SHISA9: variants seen among roughly 807,000 people sequenced by gnomAD.
The protein encoded by SHISA9 is protein shisa-9.
A neutral mutation model predicts 38.0 loss-of-function variants in SHISA9; 13 were observed. That is an observed-to-expected ratio of 0.34 (90% CI 0.22 to 0.54). The LOEUF (loss-of-function observed/expected upper bound fraction) is 0.54. Among genes scored for constraint, SHISA9 ranks in the 20% least tolerant of loss-of-function variants. SHISA9 has a pLI of 0.91. For missense variants in SHISA9, 538 were observed against 575.8 expected (o/e 0.93, Z 0.67); for synonymous variants, 275 against 242.0 (o/e 1.14, Z -1.27).
At chr16:13,507,071 A>G in the SHISA9 span, among the ~76,000 whole-genome samples, 5 of 150,396 alleles carry the variant, frequency 3.3e-5, no homozygotes, top group Admixed American at 2.0e-4. Flanking sequence ...ACCACCATGT[A>G]TATATATATA....
At chr16:13,015,028 A>G (rs2072724426) in intron 2 of SHISA9, among the ~76,000 whole-genome samples, 1 of 152,186 alleles carries the variant, frequency 6.6e-6, no homozygotes, top group South Asian at 2.1e-4. Flanking sequence ...CTCTCCTTTC[A>G]TCAGCATTGC....
the SHISA9 span, among the ~76,000 whole-genome samples, chr16:13,554,385 C>T: frequency 0.7 from 106,305 of 150,970 alleles, 37,763 homozygotes; most frequent in East Asian, 0.88. Context: ...TTATATGCTA[C>T]AAGTCTGGTA....
At chr16:13,004,943 G>GAAAAAAAAAAAAAAAAAAAAAA (rs59694628) in intron 2 of SHISA9, among the ~76,000 whole-genome samples, 3 of 103,756 alleles carry the variant, frequency 2.9e-5, no homozygotes, top group African/African-American at 7.3e-5. Context: ...TTAAGAAAAA[G>GAAAAAAAAAAAAAAAAAAAAAA]AAAAAAAAAA....
the SHISA9 span, among the ~76,000 whole-genome samples, chr16:13,538,444 C>T: frequency 3.9e-5 from 6 of 152,178 alleles, no homozygotes; most frequent in Non-Finnish European, 8.8e-5. Context: ...TCATAAATCA[C>T]ATCTTAGAGC....
chr16:12,954,035 T>C (rs746470313), intron 2 of SHISA9, among the ~76,000 whole-genome samples: 6 of 152,094 alleles, frequency 3.9e-5, no homozygotes, highest in Non-Finnish European at 8.8e-5. Context: ...GAGATTTGGG[T>C]GGAGACACAG....
intron 2 of SHISA9, among the ~76,000 whole-genome samples, chr16:13,046,454 C>T (rs569511965): frequency 3.3e-5 from 5 of 152,262 alleles, no homozygotes; most frequent in Admixed American, 2.0e-4. Context: ...CTTATTATGG[C>T]TTTGTAGCAT....
At chr16:13,482,220 G>C in the SHISA9 span, among the ~76,000 whole-genome samples, 1 of 152,232 alleles carries the variant, frequency 6.6e-6, no homozygotes. Context: ...TCTGTTGGCT[G>C]TTTCCCTGCC....
intron 2 of SHISA9, among the ~76,000 whole-genome samples, chr16:13,151,175 C>G (rs1316166998): frequency 6.6e-6 from 1 of 152,126 alleles, no homozygotes; most frequent in African/African-American, 2.4e-5. Context: ...GGTGCAATCT[C>G]ACCTCACTGC....
At chr16:13,085,416 G>A (rs552181001) in intron 2 of SHISA9, among the ~76,000 whole-genome samples, 108 of 152,198 alleles carry the variant, frequency 7.1e-4, no homozygotes, top group African/African-American at 2.2e-3. Context: ...GATAAAAGCC[G>A]ATGTCTCATC....
intron 2 of SHISA9, among the ~76,000 whole-genome samples, chr16:12,927,924 T>C (rs566458657): frequency 4.0e-4 from 61 of 152,302 alleles, no homozygotes; most frequent in Admixed American, 4.6e-4. Flanking sequence ...TCAAAGATGA[T>C]TAAAAGTTAA....
intron 2 of SHISA9, among the ~76,000 whole-genome samples, chr16:13,129,562 C>T (rs1460806494): frequency 1.3e-5 from 2 of 152,180 alleles, no homozygotes; most frequent in African/African-American, 4.8e-5. Context: ...TACATCTGGT[C>T]TAGCTGGTTT....
the SHISA9 span, among the ~76,000 whole-genome samples, chr16:13,353,561 G>A: frequency 1.3e-5 from 2 of 151,946 alleles, no homozygotes; most frequent in Admixed American, 1.3e-4. Context: ...TGATTAGACA[G>A]AAGATAGTAG....
chr16:13,285,589 T>G, the SHISA9 span, among the ~76,000 whole-genome samples: 7 of 151,714 alleles, frequency 4.6e-5, no homozygotes, highest in African/African-American at 1.7e-4. Context: ...CTGGAAGCTG[T>G]AAGCTATCCA....
chr16:13,550,930 TG>T, the SHISA9 span, among the ~76,000 whole-genome samples: 1 of 152,138 alleles, frequency 6.6e-6, no homozygotes, highest in African/African-American at 2.4e-5. Context: ...GAGACCAGCC[TG>T]GCCAACACAG....
chr16:13,268,424 G>A, the SHISA9 span, among the ~76,000 whole-genome samples: 8 of 152,238 alleles, frequency 5.3e-5, no homozygotes, highest in Middle Eastern at 0.01. Context: ...CAGGAGAATC[G>A]CTTGAACCTG....
the SHISA9 span, among the ~76,000 whole-genome samples, chr16:13,550,467 T>C: frequency 2.0e-5 from 3 of 152,330 alleles, no homozygotes; most frequent in Admixed American, 6.5e-5. Context: ...TTTTAAAAAC[T>C]GTCCAAGTGG....
chr16:13,252,604 C>G, the SHISA9 span, among the ~76,000 whole-genome samples: 1 of 152,198 alleles, frequency 6.6e-6, no homozygotes, highest in Non-Finnish European at 1.5e-5. Flanking sequence ...CCTGTTGATA[C>G]TGAAGCTTGC....
At chr16:13,498,034 T>TA in the SHISA9 span, among the ~76,000 whole-genome samples, 1 of 151,926 alleles carries the variant, frequency 6.6e-6, no homozygotes, top group East Asian at 1.9e-4. Context: ...TTTGACAATA[T>TA]AGAATCTATT....
chr16:13,369,213 A>G, the SHISA9 span, among the ~76,000 whole-genome samples: 1 of 152,124 alleles, frequency 6.6e-6, no homozygotes, highest in South Asian at 2.1e-4. Flanking sequence ...CCGTATATAG[A>G]AAGGATATAA....
Sources: allele counts gnomAD v4.1 joint callset (sites outside exome capture counted in the v4.1 genomes callset), GRCh38; gene constraint gnomAD v4.1.1; transcripts MANE v1.5; gene names NCBI Gene and HGNC (gene_info 2026-07-23, HGNC 2026-07-21).